DTWD2: variants seen among roughly 807,000 people sequenced by gnomAD.
The protein encoded by DTWD2 is DTW motif tRNA-uridine aminocarboxypropyltransferase 2.
In DTWD2, 39 loss-of-function variants were observed where a neutral mutation model predicts 31.8. The ratio of observed to expected loss-of-function variants is 1.22; its 90% CI spans 0.95 to 1.60. The LOEUF is 1.60. DTWD2 is among the 40% of genes most tolerant of loss of function. The probability of loss-of-function intolerance (pLI) is 0.00; values close to 1 mark genes in which losing one functional copy is unlikely to be tolerated. For synonymous variants in DTWD2, 180 were observed against 142.8 expected (o/e 1.26, Z -1.86); for missense variants, 515 against 381.5 (o/e 1.35, Z -2.92).
intron 4 of DTWD2, among the ~76,000 whole-genome samples, chr5:118,909,647 T>C (rs116069442): frequency 0.027 from 4,045 of 152,254 alleles, 64 homozygotes; most frequent in Non-Finnish European, 0.026. Context: ...AGCGCACACA[T>C]GCAGATTTCA....
intron 1 of DTWD2, among the ~76,000 whole-genome samples, chr5:118,948,088 G>A (rs543653297): frequency 5.8e-4 from 89 of 152,190 alleles, no homozygotes; most frequent in Middle Eastern, 3.4e-3. Context: ...ATGTTATTGG[G>A]GCAACATAGA....
chr5:118,926,999 T>G (rs909616239), intron 4 of DTWD2, among the ~76,000 whole-genome samples: 2 of 152,210 alleles, frequency 1.3e-5, no homozygotes, highest in Non-Finnish European at 2.9e-5. Flanking sequence ...ACGGTCCTGG[T>G]GAGAGCTCTC....
At chr5:118,900,796 A>G (rs1332987795) in intron 4 of DTWD2, among the ~76,000 whole-genome samples, 2 of 151,982 alleles carry the variant, frequency 1.3e-5, no homozygotes, top group East Asian at 3.9e-4. Context: ...GTGGTGGCAG[A>G]TGTCTGTAGT....
intron 4 of DTWD2, among the ~76,000 whole-genome samples, chr5:118,851,504 G>C (rs150297460): frequency 1.3e-5 from 2 of 151,810 alleles, no homozygotes; most frequent in African/African-American, 4.8e-5. Flanking sequence ...TGCTTCAAAG[G>C]GCAAAAAGAA....
chr5:118,845,350 T>A (rs889919452), intron 5 of DTWD2, among the ~76,000 whole-genome samples: 2 of 152,218 alleles, frequency 1.3e-5, no homozygotes, highest in African/African-American at 4.8e-5. Context: ...GGCAGACTGA[T>A]ACTGCATTTC....
intron 4 of DTWD2, among the ~76,000 whole-genome samples, chr5:118,911,363 T>A (rs1753454500): frequency 6.6e-6 from 1 of 152,214 alleles, no homozygotes; most frequent in African/African-American, 2.4e-5. Context: ...ATAACAAGTG[T>A]TGGGAAGGAT....
chr5:118,907,125 C>T (rs1323914657), intron 4 of DTWD2, among the ~76,000 whole-genome samples: 1 of 152,176 alleles, frequency 6.6e-6, no homozygotes, highest in African/African-American at 2.4e-5. Flanking sequence ...TAAAGGTACT[C>T]ACATCAAGTG....
chr5:118,976,002 A>G (rs377758379), intron 1 of DTWD2, among the ~76,000 whole-genome samples: 1 of 152,242 alleles, frequency 6.6e-6, no homozygotes, highest in East Asian at 1.9e-4. Context: ...CTCAGACCAC[A>G]GTGCAATCAA....
intron 4 of DTWD2, among the ~76,000 whole-genome samples, chr5:118,851,262 C>G (rs1264600057): frequency 6.7e-6 from 1 of 148,764 alleles, no homozygotes; most frequent in Non-Finnish European, 1.5e-5. Flanking sequence ...ATCAGGGTAA[C>G]CCACCCCCAA....
intron 5 of DTWD2, among the ~76,000 whole-genome samples, chr5:118,843,377 G>A (rs1263436958): frequency 6.7e-6 from 1 of 149,580 alleles, no homozygotes; most frequent in Non-Finnish European, 1.5e-5. Context: ...AAGGGAGGAA[G>A]GAAGGAGAGA....
At chr5:118,876,023 T>A (rs1752614709) in intron 4 of DTWD2, among the ~76,000 whole-genome samples, 1 of 151,900 alleles carries the variant, frequency 6.6e-6, no homozygotes, top group Admixed American at 6.6e-5. Flanking sequence ...CACAACACAA[T>A]CAAAATTAAA....
intron 1 of DTWD2, among the ~76,000 whole-genome samples, chr5:118,950,304 C>T (rs950114743): frequency 6.6e-6 from 1 of 151,072 alleles, no homozygotes; most frequent in Non-Finnish European, 1.5e-5. Context: ...GCCATCAATA[C>T]CTACAACAGT....
At chr5:118,971,334 T>C (rs555821869) in intron 1 of DTWD2, among the ~76,000 whole-genome samples, 7 of 151,966 alleles carry the variant, frequency 4.6e-5, no homozygotes, top group Non-Finnish European at 8.8e-5. Flanking sequence ...GGGTCACAAT[T>C]CTAGTTTCTG....
intron 4 of DTWD2, among the ~76,000 whole-genome samples, chr5:118,865,057 A>G (rs925022132): frequency 6.6e-6 from 1 of 152,152 alleles, no homozygotes; most frequent in African/African-American, 2.4e-5. Flanking sequence ...CATATAATGT[A>G]CATGGCTTTC....
chr5:118,903,281 C>T (rs774915908), intron 4 of DTWD2, among the ~76,000 whole-genome samples: 14 of 151,852 alleles, frequency 9.2e-5, no homozygotes, highest in Non-Finnish European at 1.5e-4. Context: ...TAAGCATTAT[C>T]AATGTGTTTT....
At chr5:118,865,696 T>G (rs1229604004) in intron 4 of DTWD2, among the ~76,000 whole-genome samples, 1 of 152,240 alleles carries the variant, frequency 6.6e-6, no homozygotes, top group Non-Finnish European at 1.5e-5. Flanking sequence ...AGCCTCATTT[T>G]TTAAAGCTAG....
In DTWD2 at chr5:118,939,269, C is replaced by G; in HGVS notation, c.331G>C (p.Val111Leu). 1 of 1,586,744 alleles carries G rather than the reference C, an allele frequency of 6.3e-7. No homozygotes were observed. The highest frequency in any genetic ancestry group is 1.7e-4 in the Middle Eastern group (1 of 5,964). Residue 111 changes from valine (V) to leucine (L), a missense_variant, in exon 3 of 6, where the codon GTT becomes CTT. Transcript: ENST00000510708. ...GGGAGGCATGCTGCTAGTAGAGGAA[C>G]TGTACGCAACACTTTGTTTTCCTTT... ...PAEENKVLRT[V>L]PLLAACLPQD...
intron 4 of DTWD2, among the ~76,000 whole-genome samples, chr5:118,919,890 T>C (rs1203367406): frequency 2.6e-5 from 4 of 152,202 alleles, no homozygotes; most frequent in South Asian, 2.1e-4. Flanking sequence ...CTTAGGCTTA[T>C]ACATGTAAGA....
intron 4 of DTWD2, among the ~76,000 whole-genome samples, chr5:118,909,539 C>T (rs2065067034): frequency 6.6e-6 from 1 of 152,186 alleles, no homozygotes; most frequent in Non-Finnish European, 1.5e-5. Context: ...GCCCTGGGAA[C>T]CAGGGCAGCC....
Sources: allele counts gnomAD v4.1 joint callset (sites outside exome capture counted in the v4.1 genomes callset), GRCh38; gene constraint gnomAD v4.1.1; transcripts MANE v1.5; gene names NCBI Gene and HGNC (gene_info 2026-07-23, HGNC 2026-07-21).